Variants in LRRC49 observed in about 807,000 individuals in gnomAD.
The protein encoded by LRRC49 is leucine-rich repeat-containing protein 49.
In LRRC49, 50 loss-of-function variants were observed where a neutral mutation model predicts 83.3. The ratio of observed to expected loss-of-function variants is 0.60; its 90% CI spans 0.48 to 0.76. LRRC49 has a LOEUF of 0.76. LRRC49 is among the 30% of genes least tolerant of loss of function. The pLI, the probability that LRRC49 is intolerant of heterozygous loss-of-function variation, is 0.00. For synonymous variants in LRRC49, 286 were observed against 283.3 expected, an observed-to-expected ratio of 1.01 and a Z score of -0.10; for missense variants, 704 against 809.1, an observed-to-expected ratio of 0.87 and a Z score of 1.58.
chr15:70,936,506 C>T (rs892850829), intron 7 of LRRC49: 17 of 367,342 alleles, frequency 4.6e-5, no homozygotes, highest in Non-Finnish European at 8.3e-5. Context: ...CTTAAAGAGG[C>T]TAGCGGCAGC....
At chr15:70,889,905 A>G (rs1451160807), upstream of LRRC49, among the ~76,000 whole-genome samples, 3 of 152,236 alleles carry the variant, frequency 2.0e-5, no homozygotes, top group African/African-American at 7.2e-5. Flanking sequence ...TATCCAGACC[A>G]GGCTAAACAT....
chr15:70,956,518 G>T (rs1596065216), intron 8 of LRRC49, among the ~76,000 whole-genome samples: 1 of 148,110 alleles, frequency 6.8e-6, no homozygotes, highest in East Asian at 2.0e-4. Flanking sequence ...AAAAAAAAAA[G>T]GTGGGGTGGC....
intron 6 of LRRC49, among the ~76,000 whole-genome samples, chr15:70,912,770 G>A (rs937538695): frequency 6.6e-6 from 1 of 151,882 alleles, no homozygotes; most frequent in African/African-American, 2.4e-5. Flanking sequence ...TCCGCCTCCC[G>A]GGTTCACGCC....
intron 2 of LRRC49, among the ~76,000 whole-genome samples, chr15:70,878,842 G>A (rs1202683310): frequency 1.3e-5 from 2 of 152,160 alleles, no homozygotes; most frequent in Non-Finnish European, 2.9e-5. Flanking sequence ...ATGTATTGCA[G>A]GATATGTTTG....
At chr15:71,030,980 A>G (rs761951808) in intron 14 of LRRC49, among the ~76,000 whole-genome samples, 1 of 151,932 alleles carries the variant, frequency 6.6e-6, no homozygotes, top group Non-Finnish European at 1.5e-5. Flanking sequence ...GTTTGTTATT[A>G]CCCATCTTCT....
chr15:70,870,113 A>C (rs1215586205), intron 1 of LRRC49, among the ~76,000 whole-genome samples: 1 of 152,182 alleles, frequency 6.6e-6, no homozygotes, highest in African/African-American at 2.4e-5. Context: ...TTAAGTTTGG[A>C]ATGTGTCCAA....
intron 2 of LRRC49, among the ~76,000 whole-genome samples, chr15:70,876,596 A>G (rs1289967533): frequency 6.6e-6 from 1 of 152,204 alleles, no homozygotes; most frequent in Non-Finnish European, 1.5e-5. Context: ...GCTCCTTCTT[A>G]TAGTACTAAT....
chr15:70,989,703 C>T (rs1052866619), intron 11 of LRRC49, among the ~76,000 whole-genome samples: 12 of 152,256 alleles, frequency 7.9e-5, no homozygotes, highest in South Asian at 2.1e-4. Flanking sequence ...GGAGGAGAGG[C>T]GCTCTGCTTT....
chr15:71,002,132 C>T (rs1444080046), intron 11 of LRRC49, among the ~76,000 whole-genome samples: 1 of 152,118 alleles, frequency 6.6e-6, no homozygotes, highest in Non-Finnish European at 1.5e-5. Flanking sequence ...TTAACTATTT[C>T]TGAACATAAA....
chr15:70,937,735 C>T (rs147305954), intron 8 of LRRC49, among the ~76,000 whole-genome samples: 28 of 152,238 alleles, frequency 1.8e-4, no homozygotes, highest in African/African-American at 6.7e-4. Flanking sequence ...CTCTAAAAGA[C>T]AGAAATTATC....
In LRRC49 at chr15:70,904,422, G is replaced by C; in HGVS notation, c.297-130G>C. ...TAAATATAGGTCGCTTAGTTCATGG[G>C]GGTTGGAAGTGGTCCAACTTATTTT... is the stretch of plus-strand genomic sequence containing the variant. On this transcript the variant is annotated intron_variant, in intron 4 of 15. Transcript: ENST00000260382. The C allele has an allele frequency of 6.7e-6, 4 of 592,818 alleles. No homozygotes were observed. In the South Asian group the frequency reaches 9.6e-5, roughly 14 times the overall value. 36.7% of individuals were successfully genotyped at this position (592,818 alleles called of 1,614,324 possible).
At chr15:70,926,511 G>A (rs917255680) in intron 7 of LRRC49, among the ~76,000 whole-genome samples, 3 of 151,886 alleles carry the variant, frequency 2.0e-5, no homozygotes, top group African/African-American at 7.3e-5. Flanking sequence ...CAGTTTTTTT[G>A]TTTTTTATTT....
chr15:70,906,851 T>G (rs1408034713), intron 5 of LRRC49, among the ~76,000 whole-genome samples: 1 of 152,252 alleles, frequency 6.6e-6, no homozygotes, highest in Non-Finnish European at 1.5e-5. Context: ...TATTTGTTAT[T>G]TGTTTGGTTT....
chr15:70,956,910 G>A (rs1192101392), intron 8 of LRRC49, among the ~76,000 whole-genome samples: 1 of 152,190 alleles, frequency 6.6e-6, no homozygotes, highest in Non-Finnish European at 1.5e-5. Context: ...TGCCCGGATA[G>A]TACTTGCTGA....
intron 9 of LRRC49, among the ~76,000 whole-genome samples, chr15:70,975,609 C>T (rs2037177358): frequency 6.6e-6 from 1 of 152,118 alleles, no homozygotes; most frequent in Non-Finnish European, 1.5e-5. Context: ...AGGAGGATCG[C>T]TTGAACCCAG....
At position 70,855,642 on chromosome 15, in the gene LRRC49, C is replaced by T. The variant is rs184889259; in HGVS notation, c.-299+2173C>T. ...GCTGGGGAGAGACCCAGGGGCCCAG[C>T]GAGGACAGCCCCTCTTCTTAAGGAC... On this transcript the variant is annotated intron_variant, in intron 1 of 16. Transcript: ENST00000544974. 4.3e-4 allele frequency among the ~76,000 whole-genome samples: 65 copies of T among 152,298 alleles called. 1 individual carries two copies. Among genetic ancestry groups the T allele is most frequent in the Admixed American group, 2.6e-3 (40 of 15,302 alleles).
intron 11 of LRRC49, among the ~76,000 whole-genome samples, chr15:70,992,374 G>T (rs1478953049): frequency 6.6e-6 from 1 of 152,234 alleles, no homozygotes; most frequent in Non-Finnish European, 1.5e-5. Context: ...TTTGGAGGGG[G>T]AGAGGCGCTC....
chr15:70,987,767 G>T (rs1442464694), intron 11 of LRRC49, among the ~76,000 whole-genome samples: 8 of 151,992 alleles, frequency 5.3e-5, no homozygotes, highest in African/African-American at 1.4e-4. Flanking sequence ...TCTCTTGTGG[G>T]CATTTAGTGC....
At chr15:70,909,702 A>C (rs1397524667) in intron 5 of LRRC49, among the ~76,000 whole-genome samples, 1 of 152,012 alleles carries the variant, frequency 6.6e-6, no homozygotes, top group Non-Finnish European at 1.5e-5. Flanking sequence ...AGCAGGGTGT[A>C]GTGGCTCGCA....
Sources: allele counts gnomAD v4.1 joint callset (sites outside exome capture counted in the v4.1 genomes callset), GRCh38; gene constraint gnomAD v4.1.1; transcripts MANE v1.5; gene names NCBI Gene and HGNC (gene_info 2026-07-23, HGNC 2026-07-21).